P2RY8: variants seen among roughly 807,000 people sequenced by gnomAD.
P2RY8 encodes S-geranylgeranyl-glutathione receptor P2RY8.
In P2RY8, 6 loss-of-function variants were observed where a neutral mutation model predicts 10.0. That is an observed-to-expected ratio of 0.60 (90% CI 0.33 to 1.19). The LOEUF (loss-of-function observed/expected upper bound fraction) is 1.19. Ranked by LOEUF, P2RY8 falls within the 50% of genes most tolerant of loss-of-function variation. The pLI is 0.04. For missense variants in P2RY8, 456 were observed against 542.0 expected (o/e 0.84, Z 1.58); for synonymous variants, 276 against 252.5 (o/e 1.09, Z -0.88).
At chrX:1,500,014 A>G (rs2092160305) in intron 1 of P2RY8, among the ~76,000 whole-genome samples, 1 of 59,396 alleles carries the variant, frequency 1.7e-5, no homozygotes, top group Non-Finnish European at 5.7e-5. Flanking sequence ...GTGTACCACC[A>G]TGCCCAGCTA....
intron 1 of P2RY8, among the ~76,000 whole-genome samples, chrX:1,501,013 C>T (rs1441132411): frequency 5.3e-5 from 8 of 152,174 alleles, no homozygotes; most frequent in Non-Finnish European, 7.3e-5. Context: ...CTGAATCTCT[C>T]GGTTCTGTCC....
chrX:1,534,056 A>G (rs2092504211), intron 1 of P2RY8, among the ~76,000 whole-genome samples: 2 of 126,202 alleles, frequency 1.6e-5, no homozygotes, highest in South Asian at 2.2e-4. Context: ...ATTTACATAT[A>G]TATTTGTATA....
At chrX:1,506,499 C>G in intron 1 of P2RY8, among the ~76,000 whole-genome samples, 1 of 152,120 alleles carries the variant, frequency 6.6e-6, no homozygotes, top group Non-Finnish European at 1.5e-5. Flanking sequence ...CCTTTTCAGC[C>G]CTGAGCTGGG....
At chrX:1,492,169 A>AG (rs1306474647) in intron 1 of P2RY8, among the ~76,000 whole-genome samples, 1 of 152,028 alleles carries the variant, frequency 6.6e-6, no homozygotes, top group African/African-American at 2.4e-5. Context: ...CACTGAGGAT[A>AG]GGGGGGTGTG....
intron 1 of P2RY8, 146 bp from the exon 2 acceptor site, chrX:1,466,728 CTTAGTTCCTCCT>C (rs2091685438): frequency 1.3e-5 from 9 of 691,842 alleles, no homozygotes; most frequent in Admixed American, 3.0e-5. Flanking sequence ...CCCTCCCTCC[CTTAGTTCCTCCT>C]TCCCTCTCCT....
intron 1 of P2RY8, among the ~76,000 whole-genome samples, chrX:1,493,364 G>T: frequency 1.3e-5 from 1 of 77,776 alleles, no homozygotes; most frequent in Admixed American, 1.3e-4. Context: ...GGGAGGGGAG[G>T]GGGAGGGAGG....
chrX:1,523,800 A>G (rs1352103481), intron 1 of P2RY8, among the ~76,000 whole-genome samples: 3 of 152,122 alleles, frequency 2.0e-5, no homozygotes, highest in Admixed American at 1.3e-4. Context: ...CTCCTGCCTC[A>G]GCCTCCCCAG....
At chrX:1,513,214 A>G (rs4596822) in intron 1 of P2RY8, among the ~76,000 whole-genome samples, 139,053 of 151,734 alleles carry the variant, frequency 0.92, 64,657 homozygotes, top group East Asian at 1. Context: ...CTTTTTTATG[A>G]CTGCATAGTA....
intron 1 of P2RY8, among the ~76,000 whole-genome samples, chrX:1,498,129 G>A (rs1253324836): frequency 2.6e-5 from 4 of 152,022 alleles, no homozygotes; most frequent in South Asian, 2.1e-4. Context: ...TGATGAGGCC[G>A]GGCGCGGTGG....
intron 1 of P2RY8, among the ~76,000 whole-genome samples, chrX:1,489,750 A>G (rs1474865430): frequency 7.0e-6 from 1 of 143,396 alleles, no homozygotes; most frequent in Non-Finnish European, 1.5e-5. Context: ...GAATGAATGA[A>G]TGATACCCCA....
At chrX:1,478,447 T>C in intron 1 of P2RY8, among the ~76,000 whole-genome samples, 1 of 152,062 alleles carries the variant, frequency 6.6e-6, no homozygotes, top group Non-Finnish European at 1.5e-5. Context: ...GTTTTCAATA[T>C]GGGAAGCTGA....
intron 1 of P2RY8, among the ~76,000 whole-genome samples, chrX:1,506,521 T>A (rs1361529472): frequency 2.6e-5 from 4 of 151,500 alleles, no homozygotes; most frequent in Admixed American, 2.0e-4. Context: ...GTATCAGGAG[T>A]CCAGGAAAGA....
chrX:1,535,468 G>A (rs180685174), intron 1 of P2RY8, among the ~76,000 whole-genome samples: 12,091 of 151,560 alleles, frequency 0.08, 517 homozygotes, highest in Middle Eastern at 0.12. Context: ...GATTACAGGC[G>A]TCTGTCACCG....
chrX:1,521,797 TC>T (rs1461908446), intron 1 of P2RY8, among the ~76,000 whole-genome samples: 2 of 151,930 alleles, frequency 1.3e-5, no homozygotes, highest in Non-Finnish European at 2.9e-5. Flanking sequence ...TTCCTTTGCT[TC>T]CGGTGAGCGT....
chrX:1,478,017 AGAG>A (rs1178480898), intron 1 of P2RY8, among the ~76,000 whole-genome samples: 1 of 152,072 alleles, frequency 6.6e-6, no homozygotes, highest in Non-Finnish European at 1.5e-5. Context: ...ACCCCATCAC[AGAG>A]GAGGAGACCT....
rs370702297 is a variant in P2RY8, at chrX:1,466,061, C to A, written c.498G>T (p.Pro166=). The A allele has an allele frequency of 3.1e-6, 5 of 1,611,626 alleles. No homozygotes were observed. Among genetic ancestry groups the A allele is most frequent in the Non-Finnish European group, 4.2e-6 (5 of 1,179,750 alleles). Residue 166 remains proline, a synonymous_variant, in exon 2 of 2, where the codon CCG becomes CCT. Transcript: ENST00000381297. ...SPLARTDLTY[P]VHALGIITCF... is the part of the protein sequence containing the mutation. ...AGGTGATGATGCCCAGGGCGTGCAC[C>A]GGGTAGGTGAGATCGGTGCGCGCCA...
At chrX:1,476,019 A>T (rs1273876835) in intron 1 of P2RY8, among the ~76,000 whole-genome samples, 1 of 152,152 alleles carries the variant, frequency 6.6e-6, no homozygotes, top group African/African-American at 2.4e-5. Flanking sequence ...AGGGGCCAAG[A>T]CATCTTCTTG....
At chrX:1,505,795 C>T (rs2092227466) in intron 1 of P2RY8, among the ~76,000 whole-genome samples, 1 of 151,884 alleles carries the variant, frequency 6.6e-6, no homozygotes. Context: ...GTCTCAAAAA[C>T]AAACAAACAA....
chrX:1,504,420 G>A (rs2092211174), intron 1 of P2RY8, among the ~76,000 whole-genome samples: 1 of 152,112 alleles, frequency 6.6e-6, no homozygotes, highest in African/African-American at 2.4e-5. Flanking sequence ...GGATTTGAAA[G>A]CCTTTTAGTG....
Sources: gnomAD v4.1 joint callset for allele counts (sites outside exome capture counted in the v4.1 genomes callset) on GRCh38, gnomAD v4.1.1 for gene constraint, MANE v1.5 for transcripts, NCBI Gene and HGNC (gene_info 2026-07-23, HGNC 2026-07-21) for gene names.